Variants in GAP43 observed in about 807,000 individuals in gnomAD.
GAP43 encodes neuromodulin.
A neutral mutation model predicts 18.6 loss-of-function variants in GAP43; 6 were observed. The observed-to-expected ratio is 0.32, with a 90% confidence interval of 0.18 to 0.64. GAP43 has a LOEUF of 0.64. GAP43 is among the 30% of genes least tolerant of loss of function. The pLI, the probability that GAP43 is intolerant of heterozygous loss-of-function variation, is 0.78. For missense variants in GAP43, 292 were observed against 295.5 expected, an observed-to-expected ratio of 0.99 and a Z score of 0.09; for synonymous variants, 115 against 111.4, an observed-to-expected ratio of 1.03 and a Z score of -0.20.
At chr3:115,673,122 T>G (rs545609678) in intron 1 of GAP43, among the ~76,000 whole-genome samples, 1 of 152,182 alleles carries the variant, frequency 6.6e-6, no homozygotes, top group African/African-American at 2.4e-5. Context: ...GGCACCCTAG[T>G]CTAGTCTTAG....
rs1349539798 is a variant in GAP43 at position 115,665,793 on chromosome 3, G to A, written c.31-10220G>A. On this transcript the variant is annotated intron_variant, in intron 1 of 2. Coordinates refer to ENST00000305124, the MANE Select transcript of GAP43 (RefSeq NM_002045.4). ...CAATTTCAAATTATAATGATCTTCA[G>A]TACCAGATGCTCTTAAGCTAGTCCC... Among the ~76,000 whole-genome samples, 24 of 152,168 alleles carry A rather than the reference G, an allele frequency of 1.6e-4. 1 individual carries two copies. The highest frequency in any genetic ancestry group is 1.6e-3 in the Admixed American group (24 of 15,284).
At chr3:115,687,240 A>G (rs867635850) in intron 2 of GAP43, among the ~76,000 whole-genome samples, 1 of 152,172 alleles carries the variant, frequency 6.6e-6, no homozygotes, top group African/African-American at 2.4e-5. Flanking sequence ...GGACAGCAAT[A>G]AAAGAGTCAA....
chr3:115,663,938 C>T lies in GAP43; in HGVS notation c.31-12075C>T, dbSNP rs527459324. 158 of 1,550,834 alleles carry T rather than the reference C, an allele frequency of 1.0e-4. No homozygotes were observed. The East Asian group carries it at 3.8e-3, about 37-fold the overall frequency. ...AAGGGTAATTTTACCTCACATGTAACCTATACAAGTATTTTAGGTTAAAAC... is the reference window on the plus strand; with the variant it reads ...AAGGGTAATTTTACCTCACATGTAATCTATACAAGTATTTTAGGTTAAAAC... On this transcript the variant is annotated intron_variant, in intron 1 of 2. Coordinates refer to ENST00000305124, the MANE Select transcript of GAP43 (RefSeq NM_002045.4).
At chr3:115,677,580 A>G (rs1708909409) in intron 2 of GAP43, among the ~76,000 whole-genome samples, 2 of 152,178 alleles carry the variant, frequency 1.3e-5, no homozygotes, top group African/African-American at 2.4e-5. Context: ...AGTTTCCATG[A>G]TCTTTCTCTA....
At chr3:115,669,965 A>ATT (rs555813051) in intron 1 of GAP43, among the ~76,000 whole-genome samples, 14 of 100,752 alleles carry the variant, frequency 1.4e-4, no homozygotes, top group Middle Eastern at 0.01. Flanking sequence ...TCATCTTTTT[A>ATT]TTTTTATTTT....
At chr3:115,713,517 A>T (rs866783889) in intron 2 of GAP43, among the ~76,000 whole-genome samples, 14 of 152,374 alleles carry the variant, frequency 9.2e-5, no homozygotes, top group Middle Eastern at 3.4e-3. Context: ...CTCCAGCAGC[A>T]TTGCAACCAG....
At chr3:115,624,817 A>T (rs1430731276) in intron 1 of GAP43, among the ~76,000 whole-genome samples, 1 of 147,884 alleles carries the variant, frequency 6.8e-6, no homozygotes, top group Non-Finnish European at 1.5e-5. Flanking sequence ...GTTGGAATGC[A>T]TTTGAGTGAT....
intron 2 of GAP43, among the ~76,000 whole-genome samples, chr3:115,686,278 T>C (rs1709031452): frequency 6.6e-6 from 1 of 152,240 alleles, no homozygotes; most frequent in Non-Finnish European, 1.5e-5. Flanking sequence ...CATATAAATA[T>C]ACATTTGTAA....
At chr3:115,651,697 T>C (rs1708519734) in intron 1 of GAP43, among the ~76,000 whole-genome samples, 1 of 152,214 alleles carries the variant, frequency 6.6e-6, no homozygotes, top group African/African-American at 2.4e-5. Context: ...GCCCGTGCTT[T>C]TCTTAAACAC....
chr3:115,674,780 TGTTAA>T (rs1197514887), intron 1 of GAP43, among the ~76,000 whole-genome samples: 3 of 152,180 alleles, frequency 2.0e-5, no homozygotes, highest in African/African-American at 7.2e-5. Flanking sequence ...TGACCAGCAT[TGTTAA>T]GTTGTCACAT....
chr3:115,640,806 C>T (rs910958015), intron 1 of GAP43, among the ~76,000 whole-genome samples: 5 of 151,986 alleles, frequency 3.3e-5, no homozygotes, highest in African/African-American at 7.2e-5. Flanking sequence ...GAAATAATGA[C>T]GTTTACCGGA....
chr3:115,713,006 A>G (rs1038276658), intron 2 of GAP43, among the ~76,000 whole-genome samples: 2 of 152,184 alleles, frequency 1.3e-5, no homozygotes, highest in Non-Finnish European at 2.9e-5. Flanking sequence ...CAGTGTTTTG[A>G]AAGGAACTTA....
intron 2 of GAP43, among the ~76,000 whole-genome samples, chr3:115,676,881 T>G (rs1576991348): frequency 6.6e-6 from 1 of 152,218 alleles, no homozygotes; most frequent in Non-Finnish European, 1.5e-5. Flanking sequence ...CTTAATTGGA[T>G]TGATATATGC....
intron 1 of GAP43, among the ~76,000 whole-genome samples, chr3:115,639,610 T>G (rs1425754340): frequency 6.6e-6 from 1 of 152,130 alleles, no homozygotes; most frequent in Non-Finnish European, 1.5e-5. Flanking sequence ...TAGTTGTTGC[T>G]ATTTTTTCTT....
At chr3:115,625,668 G>T (rs2107462248) in intron 1 of GAP43, among the ~76,000 whole-genome samples, 1 of 152,230 alleles carries the variant, frequency 6.6e-6, no homozygotes, top group Non-Finnish European at 1.5e-5. Context: ...TTTAGAAAAG[G>T]AATTAGGGCT....
rs182651627 is a variant in GAP43, at chr3:115,634,412, G to A, written c.30+10693G>A. On this transcript the variant is annotated intron_variant, in intron 1 of 2. Coordinates refer to ENST00000305124, the MANE Select transcript of GAP43 (RefSeq NM_002045.4). ...GTTCCTATAACAGCTGTTTCCAAGGGATTTATTCTACAGGTCTACACAAAT... is the reference window on the plus strand; with the variant it reads ...GTTCCTATAACAGCTGTTTCCAAGGAATTTATTCTACAGGTCTACACAAAT... Among the ~76,000 whole-genome samples, 1,266 of 152,076 alleles carry A rather than the reference G, an allele frequency of 8.3e-3. 11 individuals are homozygous for A. Among genetic ancestry groups the A allele is most frequent in the Non-Finnish European group, 0.014 (933 of 67,978 alleles).
At chr3:115,635,062 T>C (rs560019113) in intron 1 of GAP43, among the ~76,000 whole-genome samples, 22 of 152,286 alleles carry the variant, frequency 1.4e-4, no homozygotes, top group African/African-American at 5.3e-4. Flanking sequence ...ACCAATTCTT[T>C]CTTTAGTAAA....
chr3:115,702,984 G>T (rs1709314597), intron 2 of GAP43, among the ~76,000 whole-genome samples: 1 of 152,090 alleles, frequency 6.6e-6, no homozygotes, highest in Admixed American at 6.6e-5. Context: ...AGTACAAAAA[G>T]ATGTGGGAGA....
chr3:115,699,329 CTAACA>C (rs2107366661), intron 2 of GAP43, among the ~76,000 whole-genome samples: 1 of 152,290 alleles, frequency 6.6e-6, no homozygotes, highest in South Asian at 2.1e-4. Context: ...CCATATTGCT[CTAACA>C]CCCTCTGTGC....
Sources: gnomAD v4.1 joint callset for allele counts (sites outside exome capture counted in the v4.1 genomes callset) on GRCh38, gnomAD v4.1.1 for gene constraint, MANE v1.5 for transcripts, NCBI Gene and HGNC (gene_info 2026-07-23, HGNC 2026-07-21) for gene names.